The following BBC3 variants were observed in gnomAD, a reference collection of about 807,000 sequenced individuals.
BBC3 encodes bcl-2-binding component 3.
A neutral mutation model predicts 18.2 loss-of-function variants in BBC3; 5 were observed. The observed-to-expected ratio is 0.27, with a 90% confidence interval of 0.14 to 0.58. The LOEUF (loss-of-function observed/expected upper bound fraction) is 0.58. BBC3 is among the 20% of genes least tolerant of loss of function. The probability of loss-of-function intolerance (pLI) is 0.91; values close to 1 mark genes in which losing one functional copy is unlikely to be tolerated. For missense variants in BBC3, 224 were observed against 268.9 expected, an observed-to-expected ratio of 0.83 and a Z score of 1.17; for synonymous variants, 119 against 128.0, an observed-to-expected ratio of 0.93 and a Z score of 0.47.
intron 2 of BBC3, chr19:47,227,035 TAAC>T (rs2058836670): frequency 8.9e-6 from 3 of 337,314 alleles, no homozygotes; most frequent in Non-Finnish European, 1.6e-5. Context: ...TGGTCAGGCT[TAAC>T]GACCTCTATT....
intron 3 of BBC3, among the ~76,000 whole-genome samples, chr19:47,226,043 A>G (rs1213006511): frequency 6.6e-6 from 1 of 151,234 alleles, no homozygotes; most frequent in Admixed American, 6.6e-5. Context: ...TGGGCTTCGA[A>G]TATTTGTTTT....
In BBC3 at chr19:47,221,350, G is replaced by A; in HGVS notation, c.*452C>T. ...CGTTTGGCTCATTTGCTCTTCACGG[G>A]CCCCCTCCCAGGAGGAGGGGGGGAA... On this transcript the variant is annotated 3_prime_UTR_variant, in exon 4 of 4. Transcript: ENST00000439096. 1 of 229,372 alleles carries A rather than the reference G, an allele frequency of 4.4e-6. No individual in the cohort carries two copies. Among genetic ancestry groups the A allele is most frequent in the East Asian group, 1.2e-4 (1 of 8,132 alleles). 14.2% of individuals were successfully genotyped at this position (229,372 alleles called of 1,614,324 possible).
At chr19:47,231,456 A>G (rs1371674156), upstream of BBC3, among the ~76,000 whole-genome samples, 1 of 152,050 alleles carries the variant, frequency 6.6e-6, no homozygotes, top group East Asian at 1.9e-4. The surrounding 1 kb of genome is among the most constrained non-coding windows in gnomAD (Gnocchi z 4.0). Flanking sequence ...GTGTGGGGAG[A>G]TCGCCCAGAC....
chr19:47,224,895 T>C (rs1035090128), intron 3 of BBC3, among the ~76,000 whole-genome samples: 5 of 150,526 alleles, frequency 3.3e-5, no homozygotes, highest in African/African-American at 7.3e-5. Context: ...TGTGCCACCA[T>C]GCTCAGCTAC....
In BBC3 at chr19:47,226,704, G is replaced by A. The variant is rs1015280678; in HGVS notation, c.325C>T (p.Pro109Ser). 2 of 1,464,218 alleles carry A rather than the reference G, an allele frequency of 1.4e-6. No homozygotes were observed. Among genetic ancestry groups the A allele is most frequent in the East Asian group, 5.5e-5 (2 of 36,194 alleles). 90.7% of individuals were successfully genotyped at this position (1,464,218 alleles called of 1,614,324 possible). ...LAEQHLESPV[P>S]SAPGALAGGP... is the part of the protein sequence containing the mutation. ...CCCGCCAGAGCCCCCGGGGCGCTGGGCACGGGCGACTCCAGGTGCTGCTCC... is the reference window on the plus strand; with the variant it reads ...CCCGCCAGAGCCCCCGGGGCGCTGGACACGGGCGACTCCAGGTGCTGCTCC... Residue 109 changes from proline (P) to serine (S), a missense_variant, in exon 3 of 4, where the codon CCC (proline) becomes TCC (serine). By Grantham distance (74) the Pro-to-Ser change is moderately conservative. Transcript: ENST00000439096.
upstream of BBC3, among the ~76,000 whole-genome samples, chr19:47,232,107 T>G (rs1183466247): frequency 1.3e-5 from 2 of 152,122 alleles, no homozygotes; most frequent in East Asian, 3.8e-4. Context: ...ATCCCAGCAC[T>G]TTGGGAGGCC....
chr19:47,228,474 C>T lies in BBC3; in HGVS notation c.-15-28G>A, dbSNP rs2058866848. 8.1e-7 allele frequency: 1 copy of T among 1,231,400 alleles called. No homozygotes were observed. The highest frequency in any genetic ancestry group is 1.6e-5 in the African/African-American group (1 of 64,460). The allele number at this position is 1,231,400 out of a possible 1,614,324, so 76.3% of individuals were successfully genotyped here. A position where few individuals can be genotyped will look rare whatever the true frequency, so the allele number is the denominator to read the frequency against. ...GCGGGACACGGGAGGAGGAGCAGGTCAGCAGGGAAGTACCAGGGCCCACTG... is the reference window on the plus strand; with the variant it reads ...GCGGGACACGGGAGGAGGAGCAGGTTAGCAGGGAAGTACCAGGGCCCACTG... On this transcript the variant is annotated intron_variant, in intron 1 of 3. Transcript: ENST00000439096. This position sits in a 1 kb window ranked among gnomAD's most constrained non-coding sequence, Gnocchi z 5.5.
Position 47,222,064 on chromosome 19 carries a change from C to T in BBC3, c.466-146G>A, listed in dbSNP as rs2058758753. 5 of 672,158 alleles carry T rather than the reference C, an allele frequency of 7.4e-6. No individual in the cohort carries two copies. The Admixed American group carries it at 1.0e-4, about 14-fold the overall frequency. The allele number at this position is 672,158 out of a possible 1,614,324, so 41.6% of individuals were successfully genotyped here. A position where few individuals can be genotyped will look rare whatever the true frequency, so the allele number is the denominator to read the frequency against. ...CCCGCCTGGGCTAATGTCCATGTCT[C>T]GGAGGTCACATCCTCATCCAGGACA... On this transcript the variant is annotated intron_variant, in intron 3 of 3. Transcript: ENST00000439096.
chr19:47,222,108 G>C lies in BBC3; in HGVS notation c.466-190C>G, dbSNP rs529128060. 407 of 546,188 alleles carry C rather than the reference G, an allele frequency of 7.5e-4. 2 individuals are homozygous for C. The highest frequency in any genetic ancestry group is 7.2e-3 in the African/African-American group (371 of 51,690). The allele number at this position is 546,188 out of a possible 1,614,324, so 33.8% of individuals were successfully genotyped here. A position where few individuals can be genotyped will look rare whatever the true frequency, so the allele number is the denominator to read the frequency against. ...CAGGACATGAGACCTGGAGGCAGAGGACAAACACGGAATGCCTTCAGCAGA... is the reference window on the plus strand; with the variant it reads ...CAGGACATGAGACCTGGAGGCAGAGCACAAACACGGAATGCCTTCAGCAGA... On this transcript the variant is annotated intron_variant, in intron 3 of 3. Coordinates refer to ENST00000439096, the MANE Select transcript of BBC3 (RefSeq NM_014417.5).
At position 47,230,768 on chromosome 19, in the gene BBC3, G is replaced by A; in HGVS notation, c.-16+161C>T. 15 of 985,200 alleles carry A rather than the reference G, an allele frequency of 1.5e-5. No homozygotes were observed. The highest frequency in any genetic ancestry group is 1.8e-5 in the Non-Finnish European group (15 of 829,862). The allele number at this position is 985,200 out of a possible 1,614,324, so 61.0% of individuals were successfully genotyped here. A position where few individuals can be genotyped will look rare whatever the true frequency, so the allele number is the denominator to read the frequency against. ...CCCAACGCCGAGCCGCCTCTCACCCGGCGACCCTGGCCCAGGGTCCCTCGC... is the reference window on the plus strand; with the variant it reads ...CCCAACGCCGAGCCGCCTCTCACCCAGCGACCCTGGCCCAGGGTCCCTCGC... On this transcript the variant is annotated intron_variant, in intron 1 of 3. Transcript: ENST00000439096. The surrounding 1 kb of genome is among the most constrained non-coding windows in gnomAD (Gnocchi z 6.7).
chr19:47,221,761 G>C lies in BBC3; in HGVS notation c.*41C>G. 3.1e-6 allele frequency: 5 copies of C among 1,606,300 alleles called. No individual in the cohort carries two copies. Among genetic ancestry groups the C allele is most frequent in the Non-Finnish European group, 3.4e-6 (4 of 1,177,814 alleles). On this transcript the variant is annotated 3_prime_UTR_variant, in exon 4 of 4. Transcript: ENST00000439096. ...GGGTGTCAGGAGGTGGGAGGGGCCT[G>C]CCCCCCGAGTCCCTGACGTCCACCG...
At chr19:47,224,074 C>T (rs879697604) in intron 3 of BBC3, among the ~76,000 whole-genome samples, 3 of 152,160 alleles carry the variant, frequency 2.0e-5, no homozygotes, top group African/African-American at 4.8e-5. Context: ...GTGGGTGGAT[C>T]ACCTGAGGTC....
At chr19:47,232,656 C>G, upstream of BBC3, 1 of 1,466,776 alleles carries the variant, frequency 6.8e-7, no homozygotes. Flanking sequence ...TTGTTACTTC[C>G]TGCCCTGCTC....
intron 2 of BBC3, 152 bp from the exon 3 acceptor site, chr19:47,226,906 G>T: frequency 1.4e-6 from 1 of 691,552 alleles, no homozygotes; most frequent in Non-Finnish European, 2.2e-6. Flanking sequence ...CTCCTCCACA[G>T]GCACCAGAAA....
upstream of BBC3, chr19:47,231,272 TC>T: frequency 2.5e-6 from 2 of 793,770 alleles, no homozygotes; most frequent in Non-Finnish European, 3.0e-6. This position sits in a 1 kb window ranked among gnomAD's most constrained non-coding sequence, Gnocchi z 4.0. Context: ...GCCCGGCGGG[TC>T]CCACGCCCCG....
chr19:47,232,656 C>T (rs1034159874), upstream of BBC3: 8 of 1,466,658 alleles, frequency 5.5e-6, no homozygotes, highest in African/African-American at 1.4e-5. Flanking sequence ...TTGTTACTTC[C>T]TGCCCTGCTC....
Position 47,228,115 on chromosome 19 carries a change from T to C in BBC3, c.274+43A>G. The C allele has an allele frequency of 8.2e-7, 1 of 1,218,156 alleles. No individual in the cohort carries two copies. Among genetic ancestry groups the C allele is most frequent in the Non-Finnish European group, 1.0e-6 (1 of 976,884 alleles). 75.5% of individuals were successfully genotyped at this position (1,218,156 alleles called of 1,614,324 possible). On this transcript the variant is annotated intron_variant, in intron 2 of 3. Coordinates refer to ENST00000439096, the MANE Select transcript of BBC3 (RefSeq NM_014417.5). This position sits in a 1 kb window ranked among gnomAD's most constrained non-coding sequence, Gnocchi z 5.5. ...GTTCCTCCGAGTCTCCAGCCCTCTC[T>C]CTTCCCGGCTCCTATCACCCCGGGG...
rs987985996 is a variant in BBC3, at chr19:47,229,107, G to A, written c.-15-661C>T. 2.0e-5 allele frequency among the ~76,000 whole-genome samples: 3 copies of A among 152,038 alleles called. No homozygotes were observed. The South Asian group carries it at 6.2e-4, about 32-fold the overall frequency. On this transcript the variant is annotated intron_variant, in intron 1 of 3. Coordinates refer to ENST00000439096, the MANE Select transcript of BBC3 (RefSeq NM_014417.5). Reference sequence around the variant, plus strand: ...ATCCCCACACATCCAAACTGTCAAAGTCTCACACACTGACCCACTGTTGAT... The same window carrying A: ...ATCCCCACACATCCAAACTGTCAAAATCTCACACACTGACCCACTGTTGAT...
upstream of BBC3, chr19:47,231,332 AC>A (rs1310130129): frequency 2.1e-6 from 1 of 478,174 alleles, no homozygotes; most frequent in Non-Finnish European, 2.7e-6. This position sits in a 1 kb window ranked among gnomAD's most constrained non-coding sequence, Gnocchi z 4.0. Context: ...ACAAGTCAGG[AC>A]TTGCAGGCGC....
Sources: allele counts gnomAD v4.1 joint callset (sites outside exome capture counted in the v4.1 genomes callset), GRCh38; gene constraint gnomAD v4.1.1; non-coding constraint Gnocchi (gnomAD v3.1); transcripts MANE v1.5; gene names NCBI Gene and HGNC (gene_info 2026-07-23, HGNC 2026-07-21).